HDAC5: variants seen among roughly 807,000 people sequenced by gnomAD.
HDAC5 encodes antigen NY-CO-9.
A neutral mutation model predicts 133.3 loss-of-function variants in HDAC5; 25 were observed. The ratio of observed to expected loss-of-function variants is 0.19; its 90% CI spans 0.14 to 0.26. HDAC5 has a LOEUF of 0.26. Among genes scored for constraint, HDAC5 ranks in the 10% least tolerant of loss-of-function variants. The pLI is 1.00. For missense variants in HDAC5, 1,041 were observed against 1,460.5 expected (o/e 0.71, Z 4.68); for synonymous variants, 589 against 610.8 (o/e 0.96, Z 0.53).
intron 3 of HDAC5, among the ~76,000 whole-genome samples, chr17:44,104,683 T>C (rs1005293146): frequency 6.6e-6 from 1 of 152,320 alleles, no homozygotes; most frequent in Admixed American, 6.5e-5. Flanking sequence ...AATTGTGGGA[T>C]CCCTTTTGTC....
intron 1 of HDAC5, among the ~76,000 whole-genome samples, chr17:44,118,839 C>T (rs535149212): frequency 6.6e-6 from 1 of 152,176 alleles, no homozygotes; most frequent in African/African-American, 2.4e-5. Flanking sequence ...ATCAGCTCTG[C>T]CCCCCTAGAC....
chr17:44,105,507 G>A (rs1480058321), intron 3 of HDAC5, among the ~76,000 whole-genome samples: 1 of 152,206 alleles, frequency 6.6e-6, no homozygotes, highest in Non-Finnish European at 1.5e-5. Context: ...GCTATTGCTA[G>A]GACTGTTTGC....
chr17:44,087,037 C>T (rs1036574628), intron 13 of HDAC5, among the ~76,000 whole-genome samples: 1 of 151,526 alleles, frequency 6.6e-6, no homozygotes, highest in Admixed American at 6.6e-5. Context: ...TCGGCTGTGT[C>T]CGCAATGAAT....
chr17:44,088,816 C>T (rs1298274821), intron 11 of HDAC5, among the ~76,000 whole-genome samples: 1 of 152,180 alleles, frequency 6.6e-6, no homozygotes, highest in African/African-American at 2.4e-5. Flanking sequence ...GTACCACCTC[C>T]AGCAAGCCTT....
intron 20 of HDAC5, 30 bp from the exon 21 acceptor site, chr17:44,080,912 A>ATGGCCCGCGCTCTGACCC: frequency 6.2e-7 from 1 of 1,613,908 alleles, no homozygotes; most frequent in Non-Finnish European, 8.5e-7. Flanking sequence ...CATCGGGAAA[A>ATGGCCCGCGCTCTGACCC]TGGCCCGCGC....
chr17:44,092,323 C>T (rs762835153), intron 8 of HDAC5, 39 bp from the exon 9 acceptor site: 1 of 1,612,600 alleles, frequency 6.2e-7, no homozygotes, highest in Non-Finnish European at 8.5e-7. Context: ...CTGCTGTGAA[C>T]TACCCCCGAC....
chr17:44,110,194 C>T (rs890606115), intron 3 of HDAC5, among the ~76,000 whole-genome samples: 1 of 152,202 alleles, frequency 6.6e-6, no homozygotes, highest in African/African-American at 2.4e-5. Flanking sequence ...CTAACTCCAT[C>T]ATGACTGCAC....
intron 12 of HDAC5, 129 bp from the exon 13 acceptor site, chr17:44,087,825 G>A (rs566371000): frequency 1.7e-6 from 2 of 1,183,948 alleles, no homozygotes; most frequent in African/African-American, 1.5e-5. Flanking sequence ...TTAGAAAAAG[G>A]TGAGGTAGCT....
chr17:44,106,007 C>T (rs924938114), intron 3 of HDAC5, among the ~76,000 whole-genome samples: 1 of 152,174 alleles, frequency 6.6e-6, no homozygotes, highest in African/African-American at 2.4e-5. Context: ...CATTTTAATA[C>T]GCTCCCTTGG....
chr17:44,085,456 C>T, intron 14 of HDAC5: 1 of 244,052 alleles, frequency 4.1e-6, no homozygotes, highest in Non-Finnish European at 7.9e-6. Context: ...AAGCGATCCT[C>T]CCACCTCAGC....
At chr17:44,119,694 C>T (rs1456397416) in intron 1 of HDAC5, among the ~76,000 whole-genome samples, 1 of 152,242 alleles carries the variant, frequency 6.6e-6, no homozygotes, top group East Asian at 1.9e-4. Context: ...CTGAGCCTCC[C>T]TGAGAAACAA....
Position 44,092,808 on chromosome 17 carries a change from T to TGGGGGGGCCCCCGG in HDAC5, c.642-3_642-2insCCGGGGGCCCCCCC. On this transcript the variant is annotated splice_region_variant and splice_polypyrimidine_tract_variant and intron_variant, in intron 6 of 26. Transcript: ENST00000682912. ...TCCAAAGAAGCATGGTGGGCTCCCC[T>TGGGGGGGCCCCCGG]GGGGTGGGGGGGGGGTGGGGATGGA... 1 of 236,672 alleles carries TGGGGGGGCCCCCGG rather than the reference T, an allele frequency of 4.2e-6. No individual in the cohort carries two copies. Among genetic ancestry groups the TGGGGGGGCCCCCGG allele is most frequent in the Non-Finnish European group, 6.8e-6 (1 of 147,676 alleles). 14.7% of individuals were successfully genotyped at this position (236,672 alleles called of 1,614,324 possible). A position where few individuals can be genotyped will look rare whatever the true frequency, so the allele number is the denominator to read the frequency against.
At chr17:44,079,333 C>T in intron 23 of HDAC5, 56 bp from the exon 24 acceptor site, 1 of 1,570,652 alleles carries the variant, frequency 6.4e-7, no homozygotes, top group Non-Finnish European at 8.7e-7. Flanking sequence ...TCAATCAATT[C>T]AAGAGCCAGT....
intron 3 of HDAC5, among the ~76,000 whole-genome samples, chr17:44,096,722 C>T (rs1443635770): frequency 6.6e-6 from 1 of 151,872 alleles, no homozygotes; most frequent in African/African-American, 2.4e-5. Flanking sequence ...GTGATCCGCT[C>T]GCCTCGGCCT....
intron 9 of HDAC5, 93 bp downstream of exon 9, chr17:44,092,079 C>T (rs2050979067): frequency 8.5e-7 from 1 of 1,181,970 alleles, no homozygotes. Context: ...CTGCTGGGCA[C>T]TCAGGCAGAC....
intron 1 of HDAC5, among the ~76,000 whole-genome samples, chr17:44,121,187 G>A (rs995908556): frequency 6.6e-6 from 1 of 151,684 alleles, no homozygotes; most frequent in African/African-American, 2.4e-5. Flanking sequence ...GACGGGGTCT[G>A]TTTGCCCTAA....
intron 11 of HDAC5, among the ~76,000 whole-genome samples, chr17:44,088,905 G>A (rs1042228615): frequency 6.6e-6 from 1 of 151,956 alleles, no homozygotes; most frequent in East Asian, 1.9e-4. Flanking sequence ...CCCTCTGAAC[G>A]AACAATGACT....
In HDAC5 at chr17:44,083,835, C is replaced by T; in HGVS notation, c.2325G>A (p.Met775Ile). Residue 775 changes from methionine to isoleucine, a missense_variant, in exon 17 of 27, where the codon ATG becomes ATA. Around this residue, in one of 9 missense-constraint regions of HDAC5, gnomAD observed 31 missense variants for 27.0 expected, o/e 1.15. Transcript: ENST00000682912. ...TGCCCCCACAAGGCAGCACAGCATA[C>T]ATCTTCTGGCTGATGGGGCCTGCAT... ...KKLLGPISQK[M>I]YAVLPCGGIG... 6.3e-7 allele frequency: 1 copy of T among 1,597,206 alleles called. No individual in the cohort carries two copies. The highest frequency in any genetic ancestry group is 8.5e-7 in the Non-Finnish European group (1 of 1,170,154).
chr17:44,078,371 G>A lies in HDAC5; in HGVS notation c.*5C>T, dbSNP rs1387901216. The A allele has an allele frequency of 1.3e-6, 2 of 1,521,996 alleles. No homozygotes were observed. Among genetic ancestry groups the A allele is most frequent in the East Asian group, 2.3e-5 (1 of 43,842 alleles). 94.3% of individuals were successfully genotyped at this position (1,521,996 alleles called of 1,614,324 possible). ...GTGAAGCCCAGAGGGATGGGGGCCG[G>A]GGCGTCACAGGGCAGGCTCCTGCTC... On this transcript the variant is annotated 3_prime_UTR_variant, in exon 27 of 27. Transcript: ENST00000682912.
Sources: gnomAD v4.1 joint callset for allele counts (sites outside exome capture counted in the v4.1 genomes callset) on GRCh38, gnomAD v4.1.1 for gene constraint, gnomAD v4.1.1 regional missense constraint, MANE v1.5 for transcripts, NCBI Gene and HGNC (gene_info 2026-07-23, HGNC 2026-07-21) for gene names.